Variants in NBPF26 observed in about 807,000 individuals in gnomAD.
The protein encoded by NBPF26 is NBPF member 26, also known as NBPF family member NBPF26.
Under a neutral mutation model 119.6 loss-of-function variants are expected in NBPF26, and 79 were observed. That is an observed-to-expected ratio of 0.66 (90% CI 0.55 to 0.80). NBPF26 has a LOEUF of 0.80. Among genes scored for constraint, NBPF26 ranks in the 30% least tolerant of loss-of-function variants. The pLI is 0.00. For synonymous variants in NBPF26, 299 were observed against 457.7 expected, an observed-to-expected ratio of 0.65 and a Z score of 4.43; for missense variants, 800 against 1,198.2, an observed-to-expected ratio of 0.67 and a Z score of 4.91.
Position 120,820,489 on chromosome 1 carries a change from T to C in NBPF26, c.2424-1615T>C, listed in dbSNP as rs1438072087. 5.1e-4 allele frequency among the ~76,000 whole-genome samples: 12 copies of C among 23,482 alleles called. 1 individual carries two copies. The highest frequency in any genetic ancestry group is 2.8e-3 in the South Asian group (2 of 718). The allele number at this position is 23,482 out of a possible 152,430, so 15.4% of individuals were successfully genotyped here. A position where few individuals can be genotyped will look rare whatever the true frequency, so the allele number is the denominator to read the frequency against. ...ATATATATATATATATATATATATA[T>C]ACATACACACAAAAAATAATAAAGG... On this transcript the variant is annotated intron_variant, in intron 15 of 29. Coordinates refer to ENST00000620612, the Ensembl canonical transcript of NBPF26.
intron 4 of NBPF26, among the ~76,000 whole-genome samples, chr1:120,804,934 A>G (rs1651644451): frequency 2.5e-5 from 3 of 120,392 alleles, no homozygotes. Flanking sequence ...TAAAAGTTTG[A>G]TATCTTACAC....
chr1:120,748,198 A>G, intron 1 of NBPF26, among the ~76,000 whole-genome samples: 1 of 22,770 alleles, frequency 4.4e-5, no homozygotes, highest in East Asian at 1.6e-3. Flanking sequence ...AGAAGGGGGA[A>G]TCTACCAGAG....
intron 2 of NBPF26, among the ~76,000 whole-genome samples, chr1:120,783,028 A>T (rs1352340818): frequency 1.6e-5 from 1 of 63,874 alleles, no homozygotes; most frequent in Non-Finnish European, 2.7e-5. Context: ...CTTTTACAAC[A>T]GGGAAGTTTA....
chr1:120,763,603 A>G lies in NBPF26; in HGVS notation c.74-25A>G. The G allele has an allele frequency of 1.9e-6, 2 of 1,079,780 alleles. 1 individual carries two copies. The highest frequency in any genetic ancestry group is 5.0e-5 in the East Asian group (2 of 40,320). 66.9% of individuals were successfully genotyped at this position (1,079,780 alleles called of 1,614,324 possible). A position where few individuals can be genotyped will look rare whatever the true frequency, so the allele number is the denominator to read the frequency against. ...GGGTTATGATTAGTGACTTACTTCT[A>G]ATGTGCATTTGTTTTTATTTTTAGC... On this transcript the variant is annotated intron_variant, in intron 1 of 29. Transcript: ENST00000620612.
intron 1 of NBPF26, among the ~76,000 whole-genome samples, chr1:120,745,014 G>T (rs1459600188): frequency 2.5e-5 from 1 of 39,378 alleles, no homozygotes; most frequent in Admixed American, 2.7e-4. Flanking sequence ...CAGCTACTTG[G>T]GAGGCTGAGG....
rs1435356515 is a variant in NBPF26, at chr1:120,792,463, G to A, written c.416-698G>A. On this transcript the variant is annotated intron_variant, in intron 3 of 29. Transcript: ENST00000620612. ...GAGGTTGGAACTTTTGAGTACAGTT[G>A]CCAAGATAGGGAGAGTTCACTAGGA... is the stretch of plus-strand genomic sequence containing the variant. Among the ~76,000 whole-genome samples, 2 of 98,236 alleles carry A rather than the reference G, an allele frequency of 2.0e-5. 1 individual carries two copies. The highest frequency in any genetic ancestry group is 3.7e-5 in the Non-Finnish European group (2 of 53,390). The allele number at this position is 98,236 out of a possible 152,430, so 64.4% of individuals were successfully genotyped here.
In NBPF26 at chr1:120,767,666, T is replaced by C. The variant is rs1411691200; in HGVS notation, c.155+3957T>C. ...TACAGGGAGATAAGATATTTTATTC[T>C]TTCCCTTGTCCTACTGGGAGGTGTA... On this transcript the variant is annotated intron_variant, in intron 2 of 29. Transcript: ENST00000620612. 6.7e-5 allele frequency among the ~76,000 whole-genome samples: 7 copies of C among 104,726 alleles called. 1 individual carries two copies. The highest frequency in any genetic ancestry group is 1.9e-4 in the Admixed American group (2 of 10,678). 68.7% of individuals were successfully genotyped at this position (104,726 alleles called of 152,430 possible).
Position 120,817,980 on chromosome 1 carries a change from A to G in NBPF26, c.2372-143A>G, listed in dbSNP as rs1652046039. The G allele has an allele frequency of 1.6e-5, 8 of 504,490 alleles. 3 individuals are homozygous for G. The highest frequency in any genetic ancestry group is 2.7e-5 in the Non-Finnish European group (8 of 297,028). 31.3% of individuals were successfully genotyped at this position (504,490 alleles called of 1,614,324 possible). Reference sequence around the variant, plus strand: ...ATCTAATTCTCACCAAAGTTAATCTAGGACAACCTAGAATATTCCTGTCAG... The same window carrying G: ...ATCTAATTCTCACCAAAGTTAATCTGGGACAACCTAGAATATTCCTGTCAG... On this transcript the variant is annotated intron_variant, in intron 14 of 29. Transcript: ENST00000620612.
Position 120,784,895 on chromosome 1 carries a change from G to A in NBPF26, c.156-79G>A, listed in dbSNP as rs1651404136. The A allele has an allele frequency of 6.8e-5, 68 of 1,004,446 alleles. 14 individuals are homozygous for A. The South Asian group carries it at 9.2e-4, about 14-fold the overall frequency. The allele number at this position is 1,004,446 out of a possible 1,614,324, so 62.2% of individuals were successfully genotyped here. ...TTCACAATCTCGTGCTTTCTTGATT[G>A]GACTGTATTGTTTTACTGTAATTTT... is the stretch of plus-strand genomic sequence containing the variant. On this transcript the variant is annotated intron_variant, in intron 2 of 29. Transcript: ENST00000620612.
At chr1:120,838,508 CTGTGTG>C (rs1221513620) in intron 27 of NBPF26, among the ~76,000 whole-genome samples, 9 of 66,696 alleles carry the variant, frequency 1.3e-4, no homozygotes, top group African/African-American at 2.2e-4. Flanking sequence ...CTCTCTCTCT[CTGTGTG>C]TGTGTGTGTG....
chr1:120,813,385 G>A (rs1651924636), intron 10 of NBPF26, among the ~76,000 whole-genome samples: 1 of 127,456 alleles, frequency 7.8e-6, no homozygotes. Context: ...TTATGCTTCA[G>A]ATATGATTCT....
chr1:120,832,483 T>C (rs1652361848), intron 22 of NBPF26, among the ~76,000 whole-genome samples: 4 of 79,580 alleles, frequency 5.0e-5, no homozygotes, highest in Non-Finnish European at 2.1e-5. Flanking sequence ...TTTTTCACTC[T>C]AATTTCAGTG....
Position 120,802,245 on chromosome 1 carries a change from A to G in NBPF26, c.752-3311A>G, listed in dbSNP as rs1395124310. ...TCCAGGCCCCACCTGAGCCCTCTGA[A>G]TGAGAATCCCTGTAAGGAGGACGAT... On this transcript the variant is annotated intron_variant, in intron 4 of 29. Transcript: ENST00000620612. 1.6e-5 allele frequency among the ~76,000 whole-genome samples: 2 copies of G among 125,520 alleles called. 1 individual carries two copies. 82.3% of individuals were successfully genotyped at this position (125,520 alleles called of 152,430 possible). A position where few individuals can be genotyped will look rare whatever the true frequency, so the allele number is the denominator to read the frequency against.
intron 5 of NBPF26, among the ~76,000 whole-genome samples, chr1:120,806,156 T>C (rs1165573987): frequency 8.6e-6 from 1 of 116,632 alleles, no homozygotes; most frequent in African/African-American, 4.3e-5. Flanking sequence ...TCAGTTCAAG[T>C]TTCTGTTGAG....
In NBPF26 at chr1:120,737,766, G is replaced by GT. The variant is rs1377986145; in HGVS notation, c.73+13518dup. Reference sequence around the variant, plus strand: ...AATTGGATTAGCCTGGACTGGTGGAGTTACTTTCTCAGAAAAGGGCTTTAT... The same window carrying GT: ...AATTGGATTAGCCTGGACTGGTGGAGTTTACTTTCTCAGAAAAGGGCTTTAT... On this transcript the variant is annotated intron_variant, in intron 1 of 29. Coordinates refer to ENST00000620612, the Ensembl canonical transcript of NBPF26. 1.6e-5 allele frequency among the ~76,000 whole-genome samples: 2 copies of GT among 124,252 alleles called. 1 individual carries two copies. Among genetic ancestry groups the GT allele is most frequent in the African/African-American group, 7.7e-5 (2 of 26,006 alleles). 81.5% of individuals were successfully genotyped at this position (124,252 alleles called of 152,430 possible). A position where few individuals can be genotyped will look rare whatever the true frequency, so the allele number is the denominator to read the frequency against.
chr1:120,792,432 T>C lies in NBPF26; in HGVS notation c.416-729T>C, dbSNP rs1651501922. Among the ~76,000 whole-genome samples, 6 of 90,100 alleles carry C rather than the reference T, an allele frequency of 6.7e-5. 2 individuals are homozygous for C. The highest frequency in any genetic ancestry group is 6.6e-4 in the Admixed American group (6 of 9,080). The allele number at this position is 90,100 out of a possible 152,430, so 59.1% of individuals were successfully genotyped here. ...GTATGTGAGGGGCACTAAGGATGAC[T>C]TTACAGAGGTTGGAACTTTTGAGTA... On this transcript the variant is annotated intron_variant, in intron 3 of 29. Coordinates refer to ENST00000620612, the Ensembl canonical transcript of NBPF26.
chr1:120,794,169 A>G (rs1297596906), intron 4 of NBPF26, among the ~76,000 whole-genome samples: 5,511 of 115,796 alleles, frequency 0.048, 1,326 homozygotes, highest in Non-Finnish European at 0.063. Flanking sequence ...ATACTTTGTT[A>G]CACTCTTCAC....
chr1:120,780,062 A>C (rs1651345933), intron 2 of NBPF26, among the ~76,000 whole-genome samples: 1 of 130,248 alleles, frequency 7.7e-6, no homozygotes, highest in Non-Finnish European at 1.6e-5. Context: ...GATTTTGTGG[A>C]ACATTTGGAT....
chr1:120,805,545 C>T lies in NBPF26; in HGVS notation c.752-11C>T. The T allele has an allele frequency of 7.6e-7, 1 of 1,322,306 alleles. No individual in the cohort carries two copies. Among genetic ancestry groups the T allele is most frequent in the Non-Finnish European group, 1.0e-6 (1 of 955,400 alleles). The allele number at this position is 1,322,306 out of a possible 1,614,324, so 81.9% of individuals were successfully genotyped here. On this transcript the variant is annotated splice_polypyrimidine_tract_variant and intron_variant, in intron 4 of 29. Coordinates refer to ENST00000620612, the Ensembl canonical transcript of NBPF26. ...TTTAACCCATCATATGTTTGGGTTT[C>T]TTCTCCCCAGTCCCTGACTCCACCT...
Sources: gnomAD v4.1 joint callset for allele counts (sites outside exome capture counted in the v4.1 genomes callset) on GRCh38, gnomAD v4.1.1 for gene constraint, MANE v1.5 for transcripts, NCBI Gene and HGNC (gene_info 2026-07-23, HGNC 2026-07-21) for gene names.